Variants in PLD2 observed in about 807,000 individuals in gnomAD.
The protein encoded by PLD2 is choline phosphatase 2.
A neutral mutation model predicts 119.8 loss-of-function variants in PLD2; 101 were observed. The observed-to-expected ratio is 0.84, with a 90% CI of 0.72 to 0.99. PLD2 has a LOEUF of 0.99. PLD2 is among the 50% of genes least tolerant of loss of function. The pLI, the probability that PLD2 is intolerant of heterozygous loss-of-function variation, is 0.00. For synonymous variants in PLD2, 494 were observed against 482.8 expected (o/e 1.02, Z -0.30); for missense variants, 1,164 against 1,226.8 (o/e 0.95, Z 0.76).
Position 4,809,741 on chromosome 17 carries a change from C to T in PLD2, c.665C>T (p.Thr222Ile). The stretch of plus-strand genomic sequence containing the variant: ...GGTGGCCACCGTGTTCCTGGCCTCA[C>T]CTGCTGTGGCCGAGACCAAGTTTGT... ...RSGGHRVPGLTCCGRDQVCYR... is the reference protein window; with the variant it reads ...RSGGHRVPGLICCGRDQVCYR... The change falls in exon 8 of 25, where the codon ACC (threonine) becomes ATC (isoleucine). Residue 222 changes from threonine (T) to isoleucine (I), a missense_variant. Transcript: ENST00000263088. 1 of 1,614,166 alleles carries T rather than the reference C, an allele frequency of 6.2e-7. No homozygotes were observed. The highest frequency in any genetic ancestry group is 8.5e-7 in the Non-Finnish European group (1 of 1,180,034).
At position 4,810,820 on chromosome 17, in the gene PLD2, C is replaced by T. The variant is rs1567526288; in HGVS notation, c.879C>T (p.Cys293=). The T allele has an allele frequency of 6.2e-7, 1 of 1,612,712 alleles. No homozygotes were observed. The highest frequency in any genetic ancestry group is 8.5e-7 in the Non-Finnish European group (1 of 1,179,360). ...CATCCAGGTCCTTGATTCTCAAGTG[C>T]AGCAGCTACCGGCAGGCACGGTGGT... ...DTSHRSLILK[C]SSYRQARWWA... The change falls in exon 10 of 25, where the codon TGC becomes TGT. Residue 293 remains cysteine, a synonymous_variant. Coordinates refer to ENST00000263088, the MANE Select transcript of PLD2 (RefSeq NM_002663.5).
chr17:4,817,134 C>T lies in PLD2; in HGVS notation c.1702-12C>T, dbSNP rs760250945. ...GGCACCTCCTGCTGACTCTGCCATC[C>T]CTCCACGTCAGACCACCAAGGCCAA... On this transcript the variant is annotated splice_polypyrimidine_tract_variant and intron_variant, in intron 16 of 24. Transcript: ENST00000263088. 1 of 1,604,492 alleles carries T rather than the reference C, an allele frequency of 6.2e-7. No homozygotes were observed. Among genetic ancestry groups the T allele is most frequent in the Non-Finnish European group, 8.5e-7 (1 of 1,171,178 alleles).
At position 4,817,220 on chromosome 17, in the gene PLD2, C is replaced by A; in HGVS notation, c.1776C>A (p.Leu592=). The change falls in exon 17 of 25, where the codon CTC becomes CTA. Residue 592 remains leucine (L), a synonymous_variant. Coordinates refer to ENST00000263088, the MANE Select transcript of PLD2 (RefSeq NM_002663.5). Reference sequence around the variant, plus strand: ...AGTCTACCAGCACGGCCAATCAGCTCCCCTTCACACTTCCAGGAGGGCAGT... The same window carrying A: ...AGTCTACCAGCACGGCCAATCAGCTACCCTTCACACTTCCAGGAGGGCAGT... The part of the protein sequence containing the change: ...LPKSTSTANQ[L]PFTLPGGQCT... 1 of 1,613,832 alleles carries A rather than the reference C, an allele frequency of 6.2e-7. No homozygotes were observed. Among genetic ancestry groups the A allele is most frequent in the Non-Finnish European group, 8.5e-7 (1 of 1,179,778 alleles).
intron 21 of PLD2, 99 bp downstream of exon 21, chr17:4,818,922 G>C: frequency 6.7e-7 from 1 of 1,489,906 alleles, no homozygotes; most frequent in Non-Finnish European, 9.2e-7. Context: ...TGTCACTCCT[G>C]TGAGCCTCTG....
rs1567525164 is a variant in PLD2, at chr17:4,809,795, G to A, written c.707+12G>A. On this transcript the variant is annotated intron_variant, in intron 8 of 24. Transcript: ENST00000263088. The stretch of plus-strand genomic sequence containing the variant: ...CGCTGGTCCAAGAGGTACGGGCTAT[G>A]GCCAAGCAGCTGGGCAGTGGGTGGG... 3 of 1,614,028 alleles carry A rather than the reference G, an allele frequency of 1.9e-6. No individual in the cohort carries two copies. The highest frequency in any genetic ancestry group is 1.3e-5 in the African/African-American group (1 of 74,916).
chr17:4,809,381 A>T lies in PLD2; in HGVS notation c.555+18A>T. 1 of 1,613,800 alleles carries T rather than the reference A, an allele frequency of 6.2e-7. No homozygotes were observed. Among genetic ancestry groups the T allele is most frequent in the Non-Finnish European group, 8.5e-7 (1 of 1,179,706 alleles). On this transcript the variant is annotated intron_variant, in intron 6 of 24. Transcript: ENST00000263088. ...ATGCCATGGTAAGGTCCAGGGGCCG[A>T]TTTTAGATGTGGAGCAGGATTATCA...
rs77401930 is a variant in PLD2, at chr17:4,811,633, C to T, written c.1010+682C>T. ...TGCTGGCAGTAACACACAGTCCTCT[C>T]TGGGTTAGGGAAGTAGGTGATCAAA... On this transcript the variant is annotated intron_variant, in intron 10 of 24. Transcript: ENST00000263088. Among the ~76,000 whole-genome samples, 958 of 152,250 alleles carry T rather than the reference C, an allele frequency of 6.3e-3. 4 individuals are homozygous for T. Among genetic ancestry groups the T allele is most frequent in the South Asian group, 0.014 (67 of 4,826 alleles).
chr17:4,809,978 G>A lies in PLD2; in HGVS notation c.809G>A (p.Gly270Glu), dbSNP rs1178409201. Residue 270 changes from glycine to glutamate, a missense_variant, in exon 9 of 25, where the codon GGG becomes GAG. Gly to Glu is a moderately conservative substitution (Grantham distance 98). Transcript: ENST00000263088. ...LFDPGFEVQV[G>E]KRSTEARHGV... ...GACCCTGGCTTTGAGGTGCAAGTGG[G>A]GAAAAGGAGCACGGAGGCACGGCAC... The A allele has an allele frequency of 1.9e-6, 3 of 1,614,084 alleles. No individual in the cohort carries two copies. The highest frequency in any genetic ancestry group is 1.7e-6 in the Non-Finnish European group (2 of 1,180,040).
Position 4,817,180 on chromosome 17 carries a change from C to T in PLD2, c.1736C>T (p.Pro579Leu). 6.2e-7 allele frequency: 1 copy of T among 1,613,984 alleles called. No individual in the cohort carries two copies. Among genetic ancestry groups the T allele is most frequent in the African/African-American group, 1.3e-5 (1 of 75,036 alleles). The change falls in exon 17 of 25, where the codon CCC becomes CTC. Residue 579 changes from proline (P) to leucine (L), a missense_variant. By Grantham distance (98) the Pro-to-Leu change is moderately conservative. Coordinates refer to ENST00000263088, the MANE Select transcript of PLD2 (RefSeq NM_002663.5). ...GCCAAGTACAAGACTCCCACATACC[C>T]CTACCTGCTTCCCAAGTCTACCAGC... is the stretch of plus-strand genomic sequence containing the variant. ...TKAKYKTPTY[P>L]YLLPKSTSTA... is the part of the protein sequence containing the mutation.
At chr17:4,818,686 C>T in intron 20 of PLD2, 79 bp downstream of exon 20, 2 of 1,563,358 alleles carry the variant, frequency 1.3e-6, no homozygotes, top group East Asian at 4.5e-5. Flanking sequence ...CTGATCCCTT[C>T]CTGCTGGGCC....
At position 4,807,716 on chromosome 17, in the gene PLD2, TGG is replaced by T; in HGVS notation, c.-1-51_-1-50del. On this transcript the variant is annotated intron_variant, in intron 1 of 24. Transcript: ENST00000263088. This position sits in a 1 kb window ranked among gnomAD's most constrained non-coding sequence, Gnocchi z 5.4. The stretch of plus-strand genomic sequence containing the variant: ...GATGGAGGACCTGCGGGAGTTAGGA[TGG>T]GGGGCGGGTTCTGCAGGACAGCTCG... 2 of 958,834 alleles carry T rather than the reference TGG, an allele frequency of 2.1e-6. No homozygotes were observed. Among genetic ancestry groups the T allele is most frequent in the Non-Finnish European group, 3.3e-6 (2 of 611,574 alleles). The allele number at this position is 958,834 out of a possible 1,614,324, so 59.4% of individuals were successfully genotyped here.
chr17:4,816,895 TCCAG>T (rs1907033365), intron 15 of PLD2, 38 bp from the exon 16 acceptor site: 1 of 1,586,600 alleles, frequency 6.3e-7, no homozygotes, highest in Non-Finnish European at 8.6e-7. Context: ...TCCCAAGGAG[TCCAG>T]CCCTGACATC....
intron 9 of PLD2, 89 bp from the exon 10 acceptor site, chr17:4,810,713 A>C: frequency 8.4e-7 from 1 of 1,189,254 alleles, no homozygotes; most frequent in Non-Finnish European, 1.1e-6. Flanking sequence ...ATTAGGGACT[A>C]AGGGAGGAAG....
At chr17:4,814,586 G>A (rs1200521747) in intron 11 of PLD2, 47 bp from the exon 12 acceptor site, 4 of 1,613,228 alleles carry the variant, frequency 2.5e-6, no homozygotes, top group African/African-American at 1.3e-5. Context: ...GGTGCAGCTG[G>A]TGGTCTGGGG....
intron 14 of PLD2, 109 bp downstream of exon 14, chr17:4,816,043 T>A: frequency 1.2e-6 from 1 of 808,532 alleles, no homozygotes; most frequent in Non-Finnish European, 2.0e-6. Context: ...CCTGCCAACC[T>A]CAGGGTTCCT....
In PLD2 at chr17:4,819,535, G is replaced by C; in HGVS notation, c.2415G>C (p.Glu805Asp). 1 of 1,614,026 alleles carries C rather than the reference G, an allele frequency of 6.2e-7. No individual in the cohort carries two copies. The highest frequency in any genetic ancestry group is 1.1e-5 in the South Asian group (1 of 91,064). Residue 805 changes from glutamate (E) to aspartate (D), a missense_variant, in exon 23 of 25, where the codon GAG (glutamate) becomes GAC (aspartate). Physicochemically the swap from Glu to Asp is conservative, Grantham distance 45. Coordinates refer to ENST00000263088, the MANE Select transcript of PLD2 (RefSeq NM_002663.5). The surrounding 1 kb of genome is among the most constrained non-coding windows in gnomAD (Gnocchi z 4.2). ...AACCATCCCTCATGAATGGGGCAGA[G>C]TATCAGGCGGGCAGGTTTGCCTTGA... ...ETEPSLMNGA[E>D]YQAGRFALSL...
At chr17:4,809,241 G>A (rs772121895) in intron 5 of PLD2, 36 bp downstream of exon 5, 5 of 1,611,322 alleles carry the variant, frequency 3.1e-6, no homozygotes, top group South Asian at 1.1e-5. Flanking sequence ...GGAAGGCATT[G>A]GAGGTGCAAA....
Position 4,818,788 on chromosome 17 carries a change from G to A in PLD2, c.2138G>A (p.Gly713Glu), listed in dbSNP as rs1907313508. 6.2e-7 allele frequency: 1 copy of A among 1,614,150 alleles called. No homozygotes were observed. Among genetic ancestry groups the A allele is most frequent in the South Asian group, 1.1e-5 (1 of 91,084 alleles). The change falls in exon 21 of 25, where the codon GGG becomes GAG. Residue 713 changes from glycine (G) to glutamate (E), a missense_variant. Physicochemically the swap from Gly to Glu is moderately conservative, Grantham distance 98. Coordinates refer to ENST00000263088, the MANE Select transcript of PLD2 (RefSeq NM_002663.5). The stretch of plus-strand genomic sequence containing the variant: ...TTTTCTCTCAGGACCCTGTGTCGTG[G>A]GGAGTATTCAATCCTGCATCGCCTT... ...LHFTYRTLCR[G>E]EYSILHRLKA... is the part of the protein sequence containing the mutation.
chr17:4,809,849 A>G (rs1906265167), intron 8 of PLD2, 28 bp from the exon 9 acceptor site: 2 of 1,614,044 alleles, frequency 1.2e-6, no homozygotes, highest in East Asian at 2.2e-5. Flanking sequence ...GAGGGCAGAG[A>G]GGAACACACG....
Sources: gnomAD v4.1 joint callset for allele counts (sites outside exome capture counted in the v4.1 genomes callset) on GRCh38, gnomAD v4.1.1 for gene constraint, Gnocchi (gnomAD v3.1) non-coding constraint, MANE v1.5 for transcripts, NCBI Gene and HGNC (gene_info 2026-07-23, HGNC 2026-07-21) for gene names.